The following KIF2B variants were observed in gnomAD, a reference collection of about 807,000 sequenced individuals.
KIF2B encodes kinesin-like protein KIF2B.
In KIF2B, 5 loss-of-function variants were observed where a neutral mutation model predicts 6.8. The ratio of observed to expected loss-of-function variants is 0.74; its 90% CI spans 0.39 to 1.55. The LOEUF is 1.55. Among genes scored for constraint, KIF2B ranks in the 40% most tolerant of loss-of-function variants. KIF2B has a pLI of 0.03. For synonymous variants in KIF2B, 370 were observed against 330.7 expected, an observed-to-expected ratio of 1.12 and a Z score of -1.29; for missense variants, 908 against 831.3, an observed-to-expected ratio of 1.09 and a Z score of -1.13.
rs767122162 is a variant in KIF2B at position 53,823,151 on chromosome 17, C to A, written c.118C>A (p.Arg40=). The A allele has an allele frequency of 3.5e-5, 56 of 1,614,038 alleles. No homozygotes were observed. In the Admixed American group the frequency reaches 4.3e-4, roughly 12 times the overall value. ...IYVAIQRSDK[R]IHLAVVTEIN... The stretch of plus-strand genomic sequence containing the variant: ...CGTGGCGATCCAGCGCAGTGACAAG[C>A]GGATCCACCTCGCTGTGGTCACGGA... Residue 40 remains arginine, a synonymous_variant, in exon 1 of 1, where the codon CGG becomes AGG. Transcript: ENST00000268919.
At position 53,824,024 on chromosome 17, in the gene KIF2B, C is replaced by T. The variant is rs3803826; in HGVS notation, c.991C>T (p.Leu331=). The T allele has an allele frequency of 0.35, 572,766 of 1,613,934 alleles. 105,923 individuals are homozygous for T. Among genetic ancestry groups the T allele is most frequent in the East Asian group, 0.62 (27,775 of 44,846 alleles). The change falls in exon 1 of 1, where the codon CTG becomes TTG. Residue 331 remains leucine, a synonymous_variant. Transcript: ENST00000268919. ...AQDCSKGIYA[L]VAQDVFLLLR... The stretch of plus-strand genomic sequence containing the variant: ...AGATTGTTCTAAGGGCATTTATGCT[C>T]TGGTGGCACAGGATGTCTTTCTCCT...
rs756381531 is a variant in KIF2B at position 53,823,480 on chromosome 17, C to T, written c.447C>T (p.Cys149=). 1.2e-6 allele frequency: 2 copies of T among 1,614,144 alleles called. No homozygotes were observed. The highest frequency in any genetic ancestry group is 4.5e-5 in the East Asian group (2 of 44,868). The change falls in exon 1 of 1, where the codon TGC becomes TGT. Residue 149 remains cysteine (C), a synonymous_variant. Transcript: ENST00000268919. Reference sequence around the variant, plus strand: ...TGATGAAGCAGAAAAAGTCTCCCTGCCTCTGGGAAATCCAGAAACTGCAGG... The same window carrying T: ...TGATGAAGCAGAAAAAGTCTCCCTGTCTCTGGGAAATCCAGAAACTGCAGG... ...PCLMKQKKSP[C]LWEIQKLQEQ... is the part of the protein sequence containing the mutation.
Position 53,824,031 on chromosome 17 carries a change from C to T in KIF2B, c.998C>T (p.Ala333Val), listed in dbSNP as rs774913239. 2.3e-5 allele frequency: 37 copies of T among 1,614,202 alleles called. No homozygotes were observed. Among genetic ancestry groups the T allele is most frequent in the African/African-American group, 1.7e-4 (13 of 75,052 alleles). Residue 333 changes from alanine to valine, a missense_variant, in exon 1 of 1, where the codon GCA becomes GTA. Ala to Val is a moderately conservative substitution (Grantham distance 64). Coordinates refer to ENST00000268919, the MANE Select transcript of KIF2B (RefSeq NM_032559.5). ...DCSKGIYALV[A>V]QDVFLLLRNS... ...TCTAAGGGCATTTATGCTCTGGTGG[C>T]ACAGGATGTCTTTCTCCTGCTCAGA...
In KIF2B at chr17:53,825,023, G is replaced by T; in HGVS notation, c.1990G>T (p.Ala664Ser). The T allele has an allele frequency of 6.2e-7, 1 of 1,612,512 alleles. No homozygotes were observed. Among genetic ancestry groups the T allele is most frequent in the Non-Finnish European group, 8.5e-7 (1 of 1,179,138 alleles). ...CCAAAAGAAACTGAAATTATTACTA[G>T]CTGACCTCCACGTGAAGAGCAAGGT... is the stretch of plus-strand genomic sequence containing the variant. ...EIQKKLKLLL[A>S]DLHVKSKVE Residue 664 changes from alanine (A) to serine (S), a missense_variant, in exon 1 of 1, where the codon GCT becomes TCT. Coordinates refer to ENST00000268919, the MANE Select transcript of KIF2B (RefSeq NM_032559.5).
rs2143779069 is a variant in KIF2B at position 53,823,359 on chromosome 17, A to G, written c.326A>G (p.Gln109Arg). ...ALAPSSAIRD[Q>R]RTATKWVAMI... ...GCGCCCTCTTCGGCCATCAGGGACC[A>G]GCGTACCGCCACGAAATGGGTTGCG... The change falls in exon 1 of 1, where the codon CAG becomes CGG. Residue 109 changes from glutamine to arginine, a missense_variant. Gln to Arg is a conservative substitution (Grantham distance 43, BLOSUM62 1). Coordinates refer to ENST00000268919, the MANE Select transcript of KIF2B (RefSeq NM_032559.5). 6.2e-7 allele frequency: 1 copy of G among 1,614,076 alleles called. No individual in the cohort carries two copies. Among genetic ancestry groups the G allele is most frequent in the Non-Finnish European group, 8.5e-7 (1 of 1,180,000 alleles).
rs1567760697 is a variant in KIF2B at position 53,824,979 on chromosome 17, T to C, written c.1946T>C (p.Ile649Thr). 1 of 1,614,026 alleles carries C rather than the reference T, an allele frequency of 6.2e-7. No individual in the cohort carries two copies. The highest frequency in any genetic ancestry group is 1.1e-5 in the South Asian group (1 of 91,072). Residue 649 changes from isoleucine (I) to threonine (T), a missense_variant, in exon 1 of 1, where the codon ATT becomes ACT. Transcript: ENST00000268919. ...ARSLSILEQK[I>T]DALTEIQKKL... The stretch of plus-strand genomic sequence containing the variant: ...TCTTTGTCCATTTTGGAGCAGAAAA[T>C]TGATGCTCTGACCGAGATCCAAAAG...
rs144749217 is a variant in KIF2B, at chr17:53,823,684, C to T, written c.651C>T (p.Cys217=). The T allele has an allele frequency of 6.2e-7, 1 of 1,614,174 alleles. No homozygotes were observed. The highest frequency in any genetic ancestry group is 1.1e-5 in the South Asian group (1 of 91,084). The change falls in exon 1 of 1, where the codon TGC becomes TGT. Residue 217 remains cysteine, a synonymous_variant. Coordinates refer to ENST00000268919, the MANE Select transcript of KIF2B (RefSeq NM_032559.5). The part of the protein sequence containing the change: ...EPPQEHRICV[C]VRKRPLNQRE... Reference sequence around the variant, plus strand: ...CGCAAGAACATCGCATCTGCGTCTGCGTGAGGAAGCGGCCTCTCAACCAGC... The same window carrying T: ...CGCAAGAACATCGCATCTGCGTCTGTGTGAGGAAGCGGCCTCTCAACCAGC...
At position 53,824,625 on chromosome 17, in the gene KIF2B, T is replaced by C. The variant is rs772927955; in HGVS notation, c.1592T>C (p.Leu531Pro). 1 of 1,614,136 alleles carries C rather than the reference T, an allele frequency of 6.2e-7. No individual in the cohort carries two copies. Among genetic ancestry groups the C allele is most frequent in the Non-Finnish European group, 8.5e-7 (1 of 1,180,030 alleles). ...GGGATGACCTCTTGTGAAAACACTCTCAACACTTTAAGATATGCAAACAGA... is the reference window on the plus strand; with the variant it reads ...GGGATGACCTCTTGTGAAAACACTCCCAACACTTTAAGATATGCAAACAGA... ...SPGMTSCENT[L>P]NTLRYANRVK... Residue 531 changes from leucine to proline, a missense_variant, in exon 1 of 1, where the codon CTC (leucine) becomes CCC (proline). Transcript: ENST00000268919.
At position 53,823,903 on chromosome 17, in the gene KIF2B, C is replaced by T. The variant is rs2143782466; in HGVS notation, c.870C>T (p.Ser290=). 2 of 1,614,224 alleles carry T rather than the reference C, an allele frequency of 1.2e-6. No individual in the cohort carries two copies. Among genetic ancestry groups the T allele is most frequent in the African/African-American group, 2.7e-5 (2 of 75,054 alleles). ...YQFTAQPLVE[S]IFRKGMATCF... ...TCACCGCCCAGCCACTGGTGGAGTC[C>T]ATCTTCCGCAAGGGCATGGCCACCT... Residue 290 remains serine, a synonymous_variant, in exon 1 of 1, where the codon TCC becomes TCT. Coordinates refer to ENST00000268919, the MANE Select transcript of KIF2B (RefSeq NM_032559.5).
chr17:53,824,455 T>A lies in KIF2B; in HGVS notation c.1422T>A (p.Ser474Arg), dbSNP rs2143785399. Residue 474 changes from serine to arginine, a missense_variant, in exon 1 of 1, where the codon AGT becomes AGA. Coordinates refer to ENST00000268919, the MANE Select transcript of KIF2B (RefSeq NM_032559.5). ...TGGAAGGGGCAGAGATTAACAAGAG[T>A]CTTCTAGCCCTCAAAGAATGTATTC... ...RQLEGAEINK[S>R]LLALKECILA... The A allele has an allele frequency of 6.2e-7, 1 of 1,613,770 alleles. No homozygotes were observed. Among genetic ancestry groups the A allele is most frequent in the Admixed American group, 1.7e-5 (1 of 59,996 alleles).
Position 53,823,681 on chromosome 17 carries a change from C to T in KIF2B, c.648C>T (p.Val216=), listed in dbSNP as rs2143781068. ...LEPPQEHRIC[V]CVRKRPLNQR... ...CCCCGCAAGAACATCGCATCTGCGT[C>T]TGCGTGAGGAAGCGGCCTCTCAACC... is the stretch of plus-strand genomic sequence containing the variant. The change falls in exon 1 of 1, where the codon GTC becomes GTT. Residue 216 remains valine (V), a synonymous_variant. Transcript: ENST00000268919. 14 of 1,614,200 alleles carry T rather than the reference C, an allele frequency of 8.7e-6. No individual in the cohort carries two copies. The highest frequency in any genetic ancestry group is 1.1e-5 in the Non-Finnish European group (13 of 1,180,036).
rs1463063479 is a variant in KIF2B at position 53,824,558 on chromosome 17, G to T, written c.1525G>T (p.Gly509Cys). Residue 509 changes from glycine (G) to cysteine (C), a missense_variant, in exon 1 of 1, where the codon GGC becomes TGC. Coordinates refer to ENST00000268919, the MANE Select transcript of KIF2B (RefSeq NM_032559.5). ...LTLVLRDSFI[G>C]QNSSTCMIAT... ...ACTGGTGCTCCGGGACTCCTTTATAGGCCAGAACTCCTCCACTTGCATGAT... is the reference window on the plus strand; with the variant it reads ...ACTGGTGCTCCGGGACTCCTTTATATGCCAGAACTCCTCCACTTGCATGAT... The T allele has an allele frequency of 1.2e-6, 2 of 1,614,124 alleles. No individual in the cohort carries two copies. Among genetic ancestry groups the T allele is most frequent in the Non-Finnish European group, 1.7e-6 (2 of 1,180,032 alleles).
At position 53,823,018 on chromosome 17, in the gene KIF2B, A is replaced by T. The variant is rs780862362; in HGVS notation, c.-16A>T. On this transcript the variant is annotated 5_prime_UTR_variant, in exon 1 of 1. Coordinates refer to ENST00000268919, the MANE Select transcript of KIF2B (RefSeq NM_032559.5). ...CAAGGGCCCTGGAGCGCTCCCTGAT[A>T]CCTCCATCACTCACCATGGCCAGCC... 6.2e-7 allele frequency: 1 copy of T among 1,605,824 alleles called. No individual in the cohort carries two copies. The highest frequency in any genetic ancestry group is 8.5e-7 in the Non-Finnish European group (1 of 1,174,328).
rs2143781841 is a variant in KIF2B, at chr17:53,823,805, T to A, written c.772T>A (p.Tyr258Asn). 1.9e-6 allele frequency: 3 copies of A among 1,614,226 alleles called. No homozygotes were observed. Among genetic ancestry groups the A allele is most frequent in the Non-Finnish European group, 2.5e-6 (3 of 1,180,042 alleles). ...CAAGCAAAAGGTGGACCTCACTCGC[T>A]ACCTGCAGAACCAGACCTTCTGCTT... ...ESKQKVDLTR[Y>N]LQNQTFCFDH... Residue 258 changes from tyrosine (Y) to asparagine (N), a missense_variant, in exon 1 of 1, where the codon TAC becomes AAC. Tyr to Asn is a moderately radical substitution (Grantham distance 143). Transcript: ENST00000268919.
Position 53,823,618 on chromosome 17 carries a change from C to T in KIF2B, c.585C>T (p.Arg195=), listed in dbSNP as rs1597958726. The stretch of plus-strand genomic sequence containing the variant: ...TCATGCACATGATCGAAGAGTATCG[C>T]AGGCACCTGGACAGCAGCAAGATCT... ...YEIMHMIEEY[R]RHLDSSKISV... Residue 195 remains arginine, a synonymous_variant, in exon 1 of 1, where the codon CGC becomes CGT. Coordinates refer to ENST00000268919, the MANE Select transcript of KIF2B (RefSeq NM_032559.5). The T allele has an allele frequency of 6.2e-7, 1 of 1,613,442 alleles. No homozygotes were observed. Among genetic ancestry groups the T allele is most frequent in the South Asian group, 1.1e-5 (1 of 91,082 alleles).
Position 53,825,080 on chromosome 17 carries a change from G to T in KIF2B, c.*25G>T, listed in dbSNP as rs377442323. The T allele has an allele frequency of 6.5e-6, 10 of 1,532,240 alleles. No homozygotes were observed. Among genetic ancestry groups the T allele is most frequent in the Non-Finnish European group, 7.1e-6 (8 of 1,124,734 alleles). The allele number at this position is 1,532,240 out of a possible 1,614,324, so 94.9% of individuals were successfully genotyped here. A position where few individuals can be genotyped will look rare whatever the true frequency, so the allele number is the denominator to read the frequency against. On this transcript the variant is annotated 3_prime_UTR_variant, in exon 1 of 1. Coordinates refer to ENST00000268919, the MANE Select transcript of KIF2B (RefSeq NM_032559.5). ...AAGCCAATGGCGAGAGATCAGGTCC[G>T]AAATGCTGCATTGCTGCAGTTTCCA...
rs780491503 is a variant in KIF2B, at chr17:53,823,994, G to A, written c.961G>A (p.Ala321Thr). The A allele has an allele frequency of 1.9e-6, 3 of 1,614,104 alleles. No individual in the cohort carries two copies. The African/African-American group carries it at 4.0e-5, about 22-fold the overall frequency. Residue 321 changes from alanine (A) to threonine (T), a missense_variant, in exon 1 of 1, where the codon GCC becomes ACC. Coordinates refer to ENST00000268919, the MANE Select transcript of KIF2B (RefSeq NM_032559.5). ...CATGGGTGGAGACTTTTCAGGAACG[G>A]CCCAAGATTGTTCTAAGGGCATTTA... is the stretch of plus-strand genomic sequence containing the variant. Reference protein sequence around the residue: ...YTMGGDFSGTAQDCSKGIYAL... With the variant: ...YTMGGDFSGTTQDCSKGIYAL...
rs1411116215 is a variant in KIF2B, at chr17:53,823,026, C to T, written c.-8C>T. On this transcript the variant is annotated 5_prime_UTR_variant, in exon 1 of 1. Coordinates refer to ENST00000268919, the MANE Select transcript of KIF2B (RefSeq NM_032559.5). ...CTGGAGCGCTCCCTGATACCTCCAT[C>T]ACTCACCATGGCCAGCCAGTTCTGC... The T allele has an allele frequency of 6.2e-7, 1 of 1,610,946 alleles. No homozygotes were observed. Among genetic ancestry groups the T allele is most frequent in the Non-Finnish European group, 8.5e-7 (1 of 1,177,998 alleles).
At position 53,824,822 on chromosome 17, in the gene KIF2B, G is replaced by A. The variant is rs762349286; in HGVS notation, c.1789G>A (p.Glu597Lys). 6.2e-7 allele frequency: 1 copy of A among 1,613,804 alleles called. No individual in the cohort carries two copies. Among genetic ancestry groups the A allele is most frequent in the Non-Finnish European group, 8.5e-7 (1 of 1,179,886 alleles). The change falls in exon 1 of 1, where the codon GAG (glutamate) becomes AAG (lysine). Residue 597 changes from glutamate to lysine, a missense_variant. Transcript: ENST00000268919. ...VQSEEQKEIE[E>K]VETLPTLLGK... ...GAGTGAGGAGCAGAAAGAGATTGAA[G>A]AGGTTGAAACATTACCCACTCTGTT...
Sources: gnomAD v4.1 joint callset for allele counts on GRCh38, gnomAD v4.1.1 for gene constraint, MANE v1.5 for transcripts, NCBI Gene and HGNC (gene_info 2026-07-23, HGNC 2026-07-21) for gene names.